The following CLSTN2 variants were observed in gnomAD, a reference collection of about 807,000 sequenced individuals.
The protein encoded by CLSTN2 is calsyntenin-2.
CLSTN2 carries 48 observed loss-of-function variants against 101.2 expected under a neutral mutation model. That is an observed-to-expected ratio of 0.47 (90% CI 0.38 to 0.60). The LOEUF (loss-of-function observed/expected upper bound fraction) is 0.60, where lower values mean the gene tolerates loss of function less well. Ranked by LOEUF, CLSTN2 falls within the 20% of genes least tolerant of loss-of-function variation. CLSTN2 has a pLI of 0.00. For synonymous variants in CLSTN2, 481 were observed against 463.6 expected (o/e 1.04, Z -0.48); for missense variants, 1,160 against 1,238.2 (o/e 0.94, Z 0.95).
At chr3:140,186,044 G>A (rs779187949) in intron 2 of CLSTN2, among the ~76,000 whole-genome samples, 1 of 152,188 alleles carries the variant, frequency 6.6e-6, no homozygotes, top group African/African-American at 2.4e-5. Flanking sequence ...TTAAGGGGAC[G>A]TGGGGCATCA....
chr3:140,052,024 A>G (rs979130294), intron 1 of CLSTN2, among the ~76,000 whole-genome samples: 3 of 152,222 alleles, frequency 2.0e-5, no homozygotes, highest in African/African-American at 4.8e-5. Context: ...GAAGACTCAG[A>G]TAGTTTAAGT....
intron 1 of CLSTN2, among the ~76,000 whole-genome samples, chr3:140,132,056 G>T (rs567967067): frequency 2.6e-5 from 4 of 152,168 alleles, no homozygotes; most frequent in Non-Finnish European, 5.9e-5. Context: ...GATGAATTAG[G>T]ATTCAGTCTG....
chr3:140,232,368 C>T (rs1170584692), intron 2 of CLSTN2, among the ~76,000 whole-genome samples: 1 of 152,200 alleles, frequency 6.6e-6, no homozygotes, highest in Non-Finnish European at 1.5e-5. Context: ...TAGCCACTCT[C>T]TCCTGATCCT....
At chr3:139,941,586 C>T (rs1051356877) in intron 1 of CLSTN2, among the ~76,000 whole-genome samples, 5 of 152,134 alleles carry the variant, frequency 3.3e-5, no homozygotes, top group Non-Finnish European at 7.3e-5. Context: ...ACAGACCCCC[C>T]GAAGCCTTGC....
intron 1 of CLSTN2, among the ~76,000 whole-genome samples, chr3:140,000,184 G>A (rs7637594): frequency 0.56 from 85,143 of 152,006 alleles, 26,325 homozygotes; most frequent in Non-Finnish European, 0.69. Flanking sequence ...GCTACAGTTT[G>A]AATTCAATCA....
chr3:140,310,989 G>A lies in CLSTN2; in HGVS notation c.233-92640G>A, dbSNP rs553441598. On this transcript the variant is annotated intron_variant, in intron 2 of 16. Coordinates refer to ENST00000458420, the MANE Select transcript of CLSTN2 (RefSeq NM_022131.3). ...CAGAGCATCCCAGGCCGAAGGAACGGCCTGTGTAAAGGGCCTATGGAGGAA... is the reference window on the plus strand; with the variant it reads ...CAGAGCATCCCAGGCCGAAGGAACGACCTGTGTAAAGGGCCTATGGAGGAA... 2.2e-4 allele frequency among the ~76,000 whole-genome samples: 33 copies of A among 152,308 alleles called. 1 individual carries two copies. The South Asian group carries it at 3.9e-3, about 18-fold the overall frequency.
intron 1 of CLSTN2, among the ~76,000 whole-genome samples, chr3:139,944,691 T>A (rs1375120548): frequency 6.6e-6 from 1 of 152,254 alleles, no homozygotes; most frequent in Admixed American, 6.5e-5. Context: ...TGACTGGTGC[T>A]AGGGCGCTGC....
At chr3:139,949,552 A>G (rs1425811541) in intron 1 of CLSTN2, among the ~76,000 whole-genome samples, 1 of 152,204 alleles carries the variant, frequency 6.6e-6, no homozygotes, top group Non-Finnish European at 1.5e-5. Context: ...CCTTTTGGGT[A>G]TAAGTTATGG....
At chr3:140,050,856 A>G (rs1247529347) in intron 1 of CLSTN2, among the ~76,000 whole-genome samples, 2 of 152,198 alleles carry the variant, frequency 1.3e-5, no homozygotes, top group Non-Finnish European at 2.9e-5. Flanking sequence ...TACAGGGTGC[A>G]ATGCTGGGTC....
At chr3:140,127,266 A>G (rs2009450884) in intron 1 of CLSTN2, among the ~76,000 whole-genome samples, 1 of 152,118 alleles carries the variant, frequency 6.6e-6, no homozygotes, top group African/African-American at 2.4e-5. Context: ...CAAATTGCTT[A>G]ACCTCCCTGA....
chr3:140,406,869 A>G (rs2088309122), intron 4 of CLSTN2, among the ~76,000 whole-genome samples: 1 of 152,260 alleles, frequency 6.6e-6, no homozygotes, highest in Non-Finnish European at 1.5e-5. Flanking sequence ...GATGAGATGC[A>G]AAGTCTTTCT....
intron 2 of CLSTN2, among the ~76,000 whole-genome samples, chr3:140,226,770 C>T (rs1485154800): frequency 1.3e-5 from 2 of 152,020 alleles, no homozygotes; most frequent in Non-Finnish European, 2.9e-5. Context: ...GCTGGGGAAG[C>T]CCCCCAATCA....
chr3:140,031,783 A>G (rs1389808825), intron 1 of CLSTN2, among the ~76,000 whole-genome samples: 3 of 152,256 alleles, frequency 2.0e-5, no homozygotes, highest in Admixed American at 6.5e-5. Flanking sequence ...GGGTGATGCT[A>G]TCCAAAGTCT....
At chr3:140,023,007 G>A (rs894193018) in intron 1 of CLSTN2, among the ~76,000 whole-genome samples, 2 of 152,180 alleles carry the variant, frequency 1.3e-5, no homozygotes, top group Non-Finnish European at 2.9e-5. Context: ...GGGAGGAAAG[G>A]GCTTCAACGT....
intron 8 of CLSTN2, among the ~76,000 whole-genome samples, chr3:140,474,634 T>C (rs1461506350): frequency 6.6e-6 from 1 of 152,188 alleles, no homozygotes; most frequent in East Asian, 1.9e-4. Context: ...AGCTTAAAGT[T>C]AACAAAGTTG....
chr3:140,548,128 T>G (rs2107787557), intron 10 of CLSTN2, among the ~76,000 whole-genome samples: 1 of 152,342 alleles, frequency 6.6e-6, no homozygotes. Flanking sequence ...TTGGAAAAGC[T>G]GGTGGTCTGA....
rs115080115 is a variant in CLSTN2, at chr3:140,431,493, G to A, written c.787+10219G>A. On this transcript the variant is annotated intron_variant, in intron 5 of 16. Coordinates refer to ENST00000458420, the MANE Select transcript of CLSTN2 (RefSeq NM_022131.3). Reference sequence around the variant, plus strand: ...CAATAGGACAGCACTGACTTTTTGAGCTTCATACCAGGTGGCTCAGCTTCT... The same window carrying A: ...CAATAGGACAGCACTGACTTTTTGAACTTCATACCAGGTGGCTCAGCTTCT... 5.5e-3 allele frequency among the ~76,000 whole-genome samples: 837 copies of A among 152,280 alleles called. 7 individuals are homozygous for A. Among genetic ancestry groups the A allele is most frequent in the African/African-American group, 0.02 (811 of 41,538 alleles).
At chr3:140,530,299 A>G (rs1470641590) in intron 8 of CLSTN2, among the ~76,000 whole-genome samples, 1 of 152,230 alleles carries the variant, frequency 6.6e-6, no homozygotes, top group African/African-American at 2.4e-5. Flanking sequence ...GTGTGATCCA[A>G]ATAGACCTTT....
At chr3:140,255,805 A>T (rs1233601215) in intron 2 of CLSTN2, among the ~76,000 whole-genome samples, 2 of 152,186 alleles carry the variant, frequency 1.3e-5, no homozygotes, top group South Asian at 2.1e-4. Flanking sequence ...GAATTTTTTT[A>T]AATTTAGGCA....
Sources: gnomAD v4.1 joint callset for allele counts (sites outside exome capture counted in the v4.1 genomes callset) on GRCh38, gnomAD v4.1.1 for gene constraint, MANE v1.5 for transcripts, NCBI Gene and HGNC (gene_info 2026-07-23, HGNC 2026-07-21) for gene names.